The following FRK variants were observed in gnomAD, a reference collection of about 807,000 sequenced individuals.
The protein encoded by FRK is tyrosine-protein kinase FRK.
Under a neutral mutation model 56.4 loss-of-function variants are expected in FRK, and 51 were observed. The observed-to-expected ratio is 0.90, with a 90% CI of 0.72 to 1.14. FRK has a LOEUF of 1.14. Ranked by LOEUF, FRK falls within the 50% of genes most tolerant of loss-of-function variation. FRK has a pLI of 0.00. For synonymous variants in FRK, 245 were observed against 217.9 expected, an observed-to-expected ratio of 1.12 and a Z score of -1.10; for missense variants, 570 against 601.4, an observed-to-expected ratio of 0.95 and a Z score of 0.55.
chr6:116,083,652 G>A, the FRK span, among the ~76,000 whole-genome samples: 2 of 152,158 alleles, frequency 1.3e-5, no homozygotes, highest in Non-Finnish European at 2.9e-5. Flanking sequence ...TATTTCTCGA[G>A]TGGGACCCAA....
intron 2 of FRK, among the ~76,000 whole-genome samples, chr6:115,972,967 CAAT>C (rs1403681551): frequency 6.6e-6 from 1 of 152,116 alleles, no homozygotes; most frequent in East Asian, 1.9e-4. Flanking sequence ...CAGTTCACGA[CAAT>C]AATATTATGT....
intron 1 of FRK, among the ~76,000 whole-genome samples, chr6:116,058,450 C>T (rs1387620316): frequency 6.6e-6 from 1 of 152,296 alleles, no homozygotes; most frequent in East Asian, 1.9e-4. Flanking sequence ...AACCTCCCTT[C>T]ATATGTGATG....
intron 4 of FRK, among the ~76,000 whole-genome samples, 197 bp from the exon 5 acceptor site, chr6:115,956,807 G>C (rs1773010789): frequency 6.6e-6 from 1 of 152,168 alleles, no homozygotes; most frequent in Admixed American, 6.6e-5. Flanking sequence ...GGTGCATCAG[G>C]AGTATACGGT....
chr6:115,994,321 A>AACCCC (rs1774744049), intron 2 of FRK, among the ~76,000 whole-genome samples: 1 of 47,774 alleles, frequency 2.1e-5, no homozygotes, highest in African/African-American at 5.2e-5. Context: ...GAATCTCACA[A>AACCCC]CCTCCCCCCC....
intron 1 of FRK, among the ~76,000 whole-genome samples, chr6:116,013,488 G>A (rs1775543882): frequency 6.6e-6 from 1 of 152,092 alleles, no homozygotes; most frequent in Non-Finnish European, 1.5e-5. Flanking sequence ...CAACATTTGT[G>A]ATAATGTTTG....
rs1775977589 is a variant in FRK at position 116,023,996 on chromosome 6, AC to A, written c.345-19999del. Among the ~76,000 whole-genome samples, 5 of 151,874 alleles carry A rather than the reference AC, an allele frequency of 3.3e-5. No individual in the cohort carries two copies. In the South Asian group the frequency reaches 1.0e-3, roughly 32 times the overall value. ...TTGAAAAAAAAATATTCCACTGAAA[AC>A]TTTGATCACAGAAATCTTTTCATAC... On this transcript the variant is annotated intron_variant, in intron 1 of 7. Transcript: ENST00000606080.
intron 1 of FRK, among the ~76,000 whole-genome samples, chr6:116,009,768 C>T (rs561720622): frequency 1.3e-5 from 2 of 152,222 alleles, no homozygotes; most frequent in African/African-American, 4.8e-5. Context: ...TGTAAATTAT[C>T]AAGTGTCTAC....
chr6:116,055,096 A>C (rs1777338869), intron 1 of FRK, among the ~76,000 whole-genome samples: 1 of 152,184 alleles, frequency 6.6e-6, no homozygotes. Context: ...CTATTTTAAA[A>C]CGGTGATATA....
intron 5 of FRK, among the ~76,000 whole-genome samples, chr6:115,952,635 C>T (rs374760689): frequency 2.3e-4 from 35 of 151,076 alleles, no homozygotes; most frequent in Admixed American, 1.1e-3. Context: ...ATGTTTATTG[C>T]GGCACTATTC....
intron 3 of FRK, 28 bp from the exon 4 acceptor site, chr6:115,967,747 G>GC: frequency 8.4e-7 from 1 of 1,189,044 alleles, no homozygotes; most frequent in Non-Finnish European, 1.1e-6. Flanking sequence ...AAGAGCAATT[G>GC]TTAAAAAAAA....
At chr6:115,959,184 A>G (rs1773225231) in intron 4 of FRK, among the ~76,000 whole-genome samples, 1 of 152,268 alleles carries the variant, frequency 6.6e-6, no homozygotes, top group African/African-American at 2.4e-5. Flanking sequence ...CTGCTCAGCA[A>G]TAAATAGCCG....
At chr6:115,967,411 G>T in intron 4 of FRK, 140 bp downstream of exon 4, 2 of 676,268 alleles carry the variant, frequency 3.0e-6, no homozygotes, top group Non-Finnish European at 2.5e-6. Context: ...CATAGGTTGG[G>T]GTCACCTGGG....
chr6:116,048,959 T>G (rs1777088381), intron 1 of FRK, among the ~76,000 whole-genome samples: 1 of 146,142 alleles, frequency 6.8e-6, no homozygotes, highest in African/African-American at 2.5e-5. Flanking sequence ...TTGGGATTGT[T>G]CACATCCCTG....
At chr6:115,942,911 G>T in intron 7 of FRK, 109 bp downstream of exon 7, 1 of 1,066,494 alleles carries the variant, frequency 9.4e-7, no homozygotes, top group Non-Finnish European at 1.4e-6. Context: ...CGCAGGTATG[G>T]TATGGTCAGC....
chr6:115,967,338 G>A (rs1193857476), intron 4 of FRK, among the ~76,000 whole-genome samples: 1 of 152,056 alleles, frequency 6.6e-6, no homozygotes, highest in Non-Finnish European at 1.5e-5. Flanking sequence ...TTCAATCAGC[G>A]ATATTTTAAG....
At chr6:116,005,470 G>A (rs915333012) in intron 1 of FRK, among the ~76,000 whole-genome samples, 1 of 152,178 alleles carries the variant, frequency 6.6e-6, no homozygotes, top group Non-Finnish European at 1.5e-5. Flanking sequence ...ACTCAGGAAT[G>A]AACCCACTGG....
At chr6:115,952,331 T>C (rs1772796156) in intron 5 of FRK, among the ~76,000 whole-genome samples, 1 of 152,150 alleles carries the variant, frequency 6.6e-6, no homozygotes, top group Admixed American at 6.5e-5. Flanking sequence ...ATGCGCACCA[T>C]CACTGGCCAT....
rs373124524 is a variant in FRK at position 116,012,290 on chromosome 6, G to A, written c.345-8292C>T. ...ATGGAGTAAAACCTCTATTAACCTG[G>A]AAATTCAGGCCTTCCACCATCTGGA... On this transcript the variant is annotated intron_variant, in intron 1 of 7. Coordinates refer to ENST00000606080, the MANE Select transcript of FRK (RefSeq NM_002031.3). Among the ~76,000 whole-genome samples the A allele has an allele frequency of 2.8e-4, 43 of 152,186 alleles. 2 individuals are homozygous for A. The South Asian group carries it at 8.9e-3, about 32-fold the overall frequency.
At chr6:116,031,129 A>T (rs1287699946) in intron 1 of FRK, among the ~76,000 whole-genome samples, 1 of 152,150 alleles carries the variant, frequency 6.6e-6, no homozygotes, top group East Asian at 1.9e-4. Context: ...AGTGTAAGAA[A>T]GTCTAAATGC....
Sources: allele counts gnomAD v4.1 joint callset (sites outside exome capture counted in the v4.1 genomes callset), GRCh38; gene constraint gnomAD v4.1.1; transcripts MANE v1.5; gene names NCBI Gene and HGNC (gene_info 2026-07-23, HGNC 2026-07-21).